ITGB6: variants seen among roughly 807,000 people sequenced by gnomAD.
ITGB6 encodes integrin beta-6.
Under a neutral mutation model 84.5 loss-of-function variants are expected in ITGB6, and 80 were observed. The observed-to-expected ratio is 0.95, with a 90% CI of 0.79 to 1.14. The LOEUF (loss-of-function observed/expected upper bound fraction) is 1.14. ITGB6 is among the 50% of genes most tolerant of loss of function. The probability of loss-of-function intolerance (pLI) is 0.00; values close to 1 mark genes in which losing one functional copy is unlikely to be tolerated. For synonymous variants in ITGB6, 383 were observed against 354.9 expected, an observed-to-expected ratio of 1.08 and a Z score of -0.89; for missense variants, 1,006 against 968.0, an observed-to-expected ratio of 1.04 and a Z score of -0.52.
chr2:160,106,367 A>G (rs1368300961), intron 14 of ITGB6, among the ~76,000 whole-genome samples: 1 of 152,104 alleles, frequency 6.6e-6, no homozygotes, highest in African/African-American at 2.4e-5. Context: ...CCTCCCAAGT[A>G]GCTGGGACTA....
At chr2:160,105,810 A>T (rs1436837497) in intron 14 of ITGB6, among the ~76,000 whole-genome samples, 1 of 152,204 alleles carries the variant, frequency 6.6e-6, no homozygotes, top group Non-Finnish European at 1.5e-5. Context: ...CTGTCCTACA[A>T]CTTTGGGCTC....
chr2:160,167,510 G>C (rs1685036735), intron 7 of ITGB6, among the ~76,000 whole-genome samples: 1 of 152,164 alleles, frequency 6.6e-6, no homozygotes, highest in South Asian at 2.1e-4. Flanking sequence ...GGATGGTAAA[G>C]ACCACAGATC....
At chr2:160,161,505 G>A (rs1684813599) in intron 7 of ITGB6, among the ~76,000 whole-genome samples, 1 of 152,080 alleles carries the variant, frequency 6.6e-6, no homozygotes, top group South Asian at 2.1e-4. Flanking sequence ...TGGCCAGGCT[G>A]TTCTCGAACT....
chr2:160,165,285 G>T (rs1025129170), intron 7 of ITGB6, among the ~76,000 whole-genome samples: 6 of 152,130 alleles, frequency 3.9e-5, no homozygotes, highest in Non-Finnish European at 5.9e-5. Context: ...GGAATTCATG[G>T]TAATTTCCCT....
intron 7 of ITGB6, among the ~76,000 whole-genome samples, chr2:160,165,728 C>T (rs948127308): frequency 1.3e-5 from 2 of 152,156 alleles, no homozygotes; most frequent in African/African-American, 4.8e-5. Context: ...GGTACTTGCT[C>T]AGGGTGTTCC....
At chr2:160,132,958 A>T (rs1218428931) in intron 10 of ITGB6, among the ~76,000 whole-genome samples, 1 of 152,132 alleles carries the variant, frequency 6.6e-6, no homozygotes, top group East Asian at 1.9e-4. Flanking sequence ...AGTATGTGTC[A>T]TATAGTAGGT....
At chr2:160,117,665 A>G (rs1303973706) in intron 12 of ITGB6, among the ~76,000 whole-genome samples, 1 of 152,202 alleles carries the variant, frequency 6.6e-6, no homozygotes, top group East Asian at 1.9e-4. Flanking sequence ...TACTAAAATC[A>G]GAGCAGAACT....
At chr2:160,111,961 A>AT in intron 13 of ITGB6, 119 bp downstream of exon 13, 1 of 998,152 alleles carries the variant, frequency 1.0e-6, no homozygotes, top group Non-Finnish European at 1.5e-6. Context: ...ACTTTAAGAA[A>AT]CTTCATCAAA....
At chr2:160,194,738 G>A (rs560142762) in intron 4 of ITGB6, among the ~76,000 whole-genome samples, 9 of 152,056 alleles carry the variant, frequency 5.9e-5, no homozygotes, top group African/African-American at 1.2e-4. Context: ...CAGGTAAGCC[G>A]TCACAAAGCA....
At chr2:160,124,978 T>C (rs1486135170) in intron 11 of ITGB6, among the ~76,000 whole-genome samples, 2 of 152,208 alleles carry the variant, frequency 1.3e-5, no homozygotes, top group Admixed American at 6.5e-5. Context: ...TGGAAGCTCT[T>C]AATATCTCTT....
chr2:160,154,828 T>C (rs1227818694), intron 7 of ITGB6, among the ~76,000 whole-genome samples: 1 of 152,154 alleles, frequency 6.6e-6, no homozygotes, highest in African/African-American at 2.4e-5. Context: ...AAGAAGCCAA[T>C]CTGAAAAGGC....
At chr2:160,149,933 G>A (rs1343153691) in intron 7 of ITGB6, among the ~76,000 whole-genome samples, 1 of 152,158 alleles carries the variant, frequency 6.6e-6, no homozygotes, top group African/African-American at 2.4e-5. Flanking sequence ...AACCAACAAA[G>A]CCTCCAAGAA....
chr2:160,109,124 G>A (rs2105776141), intron 13 of ITGB6, among the ~76,000 whole-genome samples: 1 of 152,290 alleles, frequency 6.6e-6, no homozygotes, highest in East Asian at 1.9e-4. Flanking sequence ...TTAAGGTAAG[G>A]ATCTGGAGTT....
At chr2:160,108,214 AGTGT>A (rs57363305) in intron 13 of ITGB6, among the ~76,000 whole-genome samples, 1,662 of 142,778 alleles carry the variant, frequency 0.012, 32 homozygotes, top group African/African-American at 0.031. Flanking sequence ...GCAGAAATGG[AGTGT>A]GTGTGTGTGT....
At chr2:160,138,446 A>G (rs1262119313) in intron 8 of ITGB6, among the ~76,000 whole-genome samples, 1 of 152,182 alleles carries the variant, frequency 6.6e-6, no homozygotes, top group Non-Finnish European at 1.5e-5. Context: ...AACTATGACA[A>G]AATACCTCAA....
chr2:160,159,299 T>C (rs964430780), intron 7 of ITGB6, among the ~76,000 whole-genome samples: 1 of 152,090 alleles, frequency 6.6e-6, no homozygotes, highest in African/African-American at 2.4e-5. Flanking sequence ...AGCCTACACA[T>C]TGGGTTTGTT....
chr2:160,176,106 G>A (rs1685410538), intron 4 of ITGB6, among the ~76,000 whole-genome samples: 1 of 152,196 alleles, frequency 6.6e-6, no homozygotes, highest in African/African-American at 2.4e-5. Flanking sequence ...TTCAGAACTA[G>A]GGGAAATGGA....
intron 7 of ITGB6, among the ~76,000 whole-genome samples, chr2:160,146,158 A>T (rs1201975733): frequency 6.6e-6 from 1 of 152,130 alleles, no homozygotes; most frequent in Non-Finnish European, 1.5e-5. Context: ...TCACAAGTCG[A>T]GTGGTCACAT....
chr2:160,198,123 A>G (rs1045383237), intron 2 of ITGB6, among the ~76,000 whole-genome samples: 1 of 152,180 alleles, frequency 6.6e-6, no homozygotes, highest in Non-Finnish European at 1.5e-5. Flanking sequence ...TACTTCTTCA[A>G]GAAGTCAATA....
Sources: allele counts gnomAD v4.1 joint callset (sites outside exome capture counted in the v4.1 genomes callset), GRCh38; gene constraint gnomAD v4.1.1; transcripts MANE v1.5; gene names NCBI Gene and HGNC (gene_info 2026-07-23, HGNC 2026-07-21).